Variants in VRK2 observed in about 807,000 individuals in gnomAD.
The protein encoded by VRK2 is serine/threonine-protein kinase VRK2.
Under a neutral mutation model 57.6 loss-of-function variants are expected in VRK2, and 60 were observed. The observed-to-expected ratio is 1.04, with a 90% CI of 0.85 to 1.29. VRK2 has a LOEUF of 1.29. VRK2 is among the 50% of genes most tolerant of loss of function. The probability of loss-of-function intolerance (pLI) is 0.00; values close to 1 mark genes in which losing one functional copy is unlikely to be tolerated. For missense variants in VRK2, 705 were observed against 588.1 expected (o/e 1.20, Z -2.06); for synonymous variants, 231 against 199.2 (o/e 1.16, Z -1.35).
intron 2 of VRK2, among the ~76,000 whole-genome samples, chr2:58,053,196 A>C (rs1392481491): frequency 6.6e-6 from 1 of 152,214 alleles, no homozygotes; most frequent in Non-Finnish European, 1.5e-5. Flanking sequence ...GAGACAAGGC[A>C]CCTATCATGA....
At chr2:57,954,021 T>C (rs1039650924) in intron 1 of VRK2, among the ~76,000 whole-genome samples, 4 of 152,148 alleles carry the variant, frequency 2.6e-5, no homozygotes, top group Admixed American at 2.6e-4. Flanking sequence ...CACCACCATG[T>C]CCTCCCAACA....
At chr2:58,155,927 T>C (rs1219665189) in intron 12 of VRK2, among the ~76,000 whole-genome samples, 1 of 151,774 alleles carries the variant, frequency 6.6e-6, no homozygotes, top group East Asian at 1.9e-4. Flanking sequence ...GTTTGTTTTT[T>C]TTTTTTTCCA....
intron 1 of VRK2, among the ~76,000 whole-genome samples, chr2:57,920,604 T>C (rs948131687): frequency 3.3e-5 from 5 of 152,190 alleles, no homozygotes; most frequent in East Asian, 1.9e-4. Flanking sequence ...TCGGTGACCA[T>C]AGGGTACGCA....
chr2:57,978,319 A>G (rs745832120), intron 1 of VRK2, among the ~76,000 whole-genome samples: 4 of 151,144 alleles, frequency 2.6e-5, no homozygotes, highest in Non-Finnish European at 5.9e-5. Flanking sequence ...GAAAAAAATT[A>G]TTACAGTAAT....
At chr2:58,135,044 T>C in intron 9 of VRK2, 97 bp from the exon 10 acceptor site, 3 of 1,309,198 alleles carry the variant, frequency 2.3e-6, no homozygotes, top group South Asian at 2.7e-5. Flanking sequence ...AGTCACAATT[T>C]TGGTGACCTA....
intron 2 of VRK2, among the ~76,000 whole-genome samples, chr2:58,077,880 T>A (rs935930690): frequency 1.3e-5 from 2 of 152,108 alleles, no homozygotes; most frequent in African/African-American, 2.4e-5. Flanking sequence ...GATGTCTCTA[T>A]ACTTCCAGCA....
intron 11 of VRK2, among the ~76,000 whole-genome samples, chr2:58,143,435 A>G (rs1300786884): frequency 2.0e-5 from 3 of 151,956 alleles, no homozygotes; most frequent in Non-Finnish European, 4.4e-5. Context: ...CTCTTACAAT[A>G]AAAGTTTCCT....
chr2:58,028,421 T>C (rs1170200707), intron 2 of VRK2: 1 of 152,144 alleles, frequency 6.6e-6, no homozygotes, highest in African/African-American at 2.4e-5. Flanking sequence ...GCAATAAACA[T>C]ATGTGTGCAT....
At chr2:57,943,301 C>T (rs909574503) in intron 1 of VRK2, among the ~76,000 whole-genome samples, 2 of 152,220 alleles carry the variant, frequency 1.3e-5, no homozygotes, top group African/African-American at 4.8e-5. Context: ...AATTGAACTT[C>T]ATTACTTGCC....
chr2:58,068,437 C>G (rs73942289), intron 2 of VRK2, among the ~76,000 whole-genome samples: 343 of 152,256 alleles, frequency 2.3e-3, no homozygotes, highest in African/African-American at 8.1e-3. Context: ...ATTGTTCACT[C>G]TGGCTGCTTT....
At chr2:57,920,199 A>T (rs1241546564) in intron 1 of VRK2, among the ~76,000 whole-genome samples, 1 of 152,114 alleles carries the variant, frequency 6.6e-6, no homozygotes, top group Non-Finnish European at 1.5e-5. Flanking sequence ...CAGTCCAAAA[A>T]AAAGCTGTGC....
chr2:58,015,954 T>C (rs1335436783), intron 1 of VRK2, among the ~76,000 whole-genome samples: 1 of 152,146 alleles, frequency 6.6e-6, no homozygotes, highest in Non-Finnish European at 1.5e-5. Context: ...TAGCTTTTTT[T>C]TTTGTAATCA....
intron 12 of VRK2, among the ~76,000 whole-genome samples, chr2:58,155,767 C>T (rs1025804930): frequency 6.8e-6 from 1 of 147,934 alleles, no homozygotes; most frequent in African/African-American, 2.5e-5. Context: ...ATCCCCCCCA[C>T]CCCGCCGCCC....
chr2:58,035,138 T>C (rs1038962086), intron 3 of VRK2, among the ~76,000 whole-genome samples: 1 of 152,158 alleles, frequency 6.6e-6, no homozygotes, highest in East Asian at 1.9e-4. Context: ...TATAATCCTA[T>C]CTGTATTACT....
At chr2:58,147,027 G>A (rs1313275465) in intron 12 of VRK2, 2 of 360,452 alleles carry the variant, frequency 5.5e-6, no homozygotes, top group Non-Finnish European at 1.1e-5. Context: ...ATTTAATTTT[G>A]TCAAAATGAC....
chr2:58,004,986 C>T (rs1353967667), intron 1 of VRK2, among the ~76,000 whole-genome samples: 1 of 152,068 alleles, frequency 6.6e-6, no homozygotes, highest in African/African-American at 2.4e-5. Context: ...CTTCCAGGGA[C>T]CAGTTAGTGG....
At chr2:58,063,770 A>G (rs567953511) in intron 2 of VRK2, among the ~76,000 whole-genome samples, 3 of 152,124 alleles carry the variant, frequency 2.0e-5, no homozygotes, top group Non-Finnish European at 4.4e-5. Context: ...TTCAGCTGCC[A>G]TAGATAATGA....
At chr2:57,950,367 A>G (rs1402050660) in intron 1 of VRK2, among the ~76,000 whole-genome samples, 1 of 152,208 alleles carries the variant, frequency 6.6e-6, no homozygotes, top group East Asian at 1.9e-4. Flanking sequence ...CTCACTTACC[A>G]TTCAGCAAAT....
chr2:58,119,879 A>AT (rs2104468742), intron 7 of VRK2, among the ~76,000 whole-genome samples: 2 of 151,892 alleles, frequency 1.3e-5, no homozygotes, highest in East Asian at 3.9e-4. Flanking sequence ...GAGGGTGGGG[A>AT]TGGATGGTTG....
Sources: gnomAD v4.1 joint callset for allele counts (sites outside exome capture counted in the v4.1 genomes callset) on GRCh38, gnomAD v4.1.1 for gene constraint, MANE v1.5 for transcripts, NCBI Gene and HGNC (gene_info 2026-07-23, HGNC 2026-07-21) for gene names.